The following SYMPK variants were observed in gnomAD, a reference collection of about 807,000 sequenced individuals.
SYMPK encodes symplekin scaffold protein.
A neutral mutation model predicts 136.4 loss-of-function variants in SYMPK; 49 were observed. The observed-to-expected ratio is 0.36, with a 90% CI of 0.29 to 0.46. SYMPK has a LOEUF of 0.46. Among genes scored for constraint, SYMPK ranks in the 20% least tolerant of loss-of-function variants. SYMPK has a pLI of 1.00. For missense variants in SYMPK, 1,365 were observed against 1,690.0 expected (o/e 0.81, Z 3.37); for synonymous variants, 766 against 713.0 (o/e 1.07, Z -1.19).
chr19:45,828,866 C>T (rs757974906), intron 14 of SYMPK, 104 bp downstream of exon 14: 16 of 1,148,574 alleles, frequency 1.4e-5, no homozygotes, highest in Non-Finnish European at 1.9e-5. Flanking sequence ...GGAGGACTGA[C>T]TCGGGGGGTG....
At position 45,821,067 on chromosome 19, in the gene SYMPK, C is replaced by T. The variant is rs1193165183; in HGVS notation, c.2893+317G>A. The stretch of plus-strand genomic sequence containing the variant: ...ACGGTGTGCCCTGCTTCCTTCTGTT[C>T]CTCGGGGCTAGGGGTGGGGCTACCC... On this transcript the variant is annotated intron_variant, in intron 22 of 26. Transcript: ENST00000245934. The surrounding 1 kb of genome is among the most constrained non-coding windows in gnomAD (Gnocchi z 4.4). The T allele has an allele frequency of 1.6e-6, 1 of 629,152 alleles. No individual in the cohort carries two copies. 39.0% of individuals were successfully genotyped at this position (629,152 alleles called of 1,614,324 possible).
At chr19:45,817,415 C>CTTTTTTTTTTTTTTTTTT (rs1568605953) in intron 23 of SYMPK, among the ~76,000 whole-genome samples, 3 of 100,174 alleles carry the variant, frequency 3.0e-5, no homozygotes, top group African/African-American at 1.2e-4. Flanking sequence ...TTTTTTTGTT[C>CTTTTTTTTTTTTTTTTTT]TCTTTTTTTT....
intron 16 of SYMPK, 129 bp downstream of exon 16, chr19:45,827,381 C>T (rs1971066744): frequency 3.0e-6 from 2 of 664,786 alleles, no homozygotes; most frequent in East Asian, 5.5e-5. Context: ...CAAAAAACCA[C>T]TGAAAGAAGG....
chr19:45,823,828 T>A lies in SYMPK; in HGVS notation c.2538A>T (p.Glu846Asp). Reference sequence around the variant, plus strand: ...GTGTCTCTGCTCCCTTGGGACAATTTTCCACCAGCAGGAGCAGCTCCGGGG... The same window carrying A: ...GTGTCTCTGCTCCCTTGGGACAATTATCCACCAGCAGGAGCAGCTCCGGGG... ...MNSPELLLLV[E>D]NCPKGAETLV... Residue 846 changes from glutamate to aspartate, a missense_variant, in exon 19 of 27, where the codon GAA (glutamate) becomes GAT (aspartate). By Grantham distance (45) the Glu-to-Asp change is conservative. Transcript: ENST00000245934. 1.2e-6 allele frequency: 2 copies of A among 1,614,002 alleles called. No individual in the cohort carries two copies. The highest frequency in any genetic ancestry group is 1.7e-6 in the Non-Finnish European group (2 of 1,179,984).
chr19:45,842,637 G>T, intron 8 of SYMPK, 148 bp from the exon 9 acceptor site: 1 of 1,087,826 alleles, frequency 9.2e-7, no homozygotes, highest in Non-Finnish European at 1.3e-6. Context: ...GTGGCTTTCC[G>T]CCTTACAAGC....
rs1418623540 is a variant in SYMPK, at chr19:45,825,163, G to C, written c.2490+8C>G. On this transcript the variant is annotated splice_region_variant and intron_variant, in intron 18 of 26. Transcript: ENST00000245934. The stretch of plus-strand genomic sequence containing the variant: ...GTGGGCAGGGCCTGGTGGGCTCAGG[G>C]GCCTCACCGGCTGCTCAATGACCCT... 1.9e-6 allele frequency: 3 copies of C among 1,610,928 alleles called. No homozygotes were observed. The highest frequency in any genetic ancestry group is 8.5e-7 in the Non-Finnish European group (1 of 1,178,718).
chr19:45,842,317 C>G lies in SYMPK; in HGVS notation c.1020G>C (p.Pro340=). 6.2e-7 allele frequency: 1 copy of G among 1,614,174 alleles called. No homozygotes were observed. Among genetic ancestry groups the G allele is most frequent in the Non-Finnish European group, 8.5e-7 (1 of 1,180,034 alleles). The change falls in exon 9 of 27, where the codon CCG becomes CCC. Residue 340 remains proline, a synonymous_variant. Coordinates refer to ENST00000245934, the MANE Select transcript of SYMPK (RefSeq NM_004819.3). ...GCCGCTTGCGGGTGTCCTTGCTGCTCGGCATGTTGCGGGCGATCTCGGCCT... is the reference window on the plus strand; with the variant it reads ...GCCGCTTGCGGGTGTCCTTGCTGCTGGGCATGTTGCGGGCGATCTCGGCCT... ...TPQAEIARNM[P]SSKDTRKRPR...
Position 45,847,780 on chromosome 19 carries a change from G to C in SYMPK, c.648C>G (p.Ile216Met). ...RQEHDISLDR[I>M]PRDHPYIQYN... ...ACTGGATGTAGGGGTGGTCACGAGGGATGCGGTCCAGGCTGATATCATGCT... is the reference window on the plus strand; with the variant it reads ...ACTGGATGTAGGGGTGGTCACGAGGCATGCGGTCCAGGCTGATATCATGCT... The change falls in exon 7 of 27, where the codon ATC (isoleucine) becomes ATG (methionine). Residue 216 changes from isoleucine (I) to methionine (M), a missense_variant. By Grantham distance (10) the Ile-to-Met change is conservative. This residue lies in a region of SYMPK where 237 missense variants were observed against 292.9 expected (regional missense o/e 0.81). Transcript: ENST00000245934. 2 of 1,614,006 alleles carry C rather than the reference G, an allele frequency of 1.2e-6. No homozygotes were observed. The highest frequency in any genetic ancestry group is 1.7e-6 in the Non-Finnish European group (2 of 1,180,016).
intron 6 of SYMPK, 79 bp downstream of exon 6, chr19:45,848,671 T>C: frequency 1.3e-6 from 2 of 1,591,400 alleles, no homozygotes; most frequent in Non-Finnish European, 1.7e-6. Context: ...GCTCGGATGC[T>C]GGTTTTGAAC....
chr19:45,839,242 G>A (rs77799462), intron 9 of SYMPK, among the ~76,000 whole-genome samples: 12,206 of 152,034 alleles, frequency 0.08, 555 homozygotes, highest in Non-Finnish European at 0.099. Context: ...ATGTACACTC[G>A]GTACCTAAGG....
intron 13 of SYMPK, 33 bp downstream of exon 13, chr19:45,830,021 G>A (rs1443441705): frequency 4.6e-6 from 7 of 1,529,804 alleles, no homozygotes; most frequent in Non-Finnish European, 6.2e-6. Flanking sequence ...TAGAGGGACT[G>A]GAAGGATGGG....
rs771207438 is a variant in SYMPK, at chr19:45,847,897, G to A, written c.531C>T (p.Asp177=). ...ACTTGATGGCGTGGGTGCGGATGCC[G>A]TCATTGTCAGAGTCCAATAGCAGGA... is the stretch of plus-strand genomic sequence containing the variant. The part of the protein sequence containing the change: ...DIILLLDSDN[D]GIRTHAIKFV... The change falls in exon 7 of 27, where the codon GAC becomes GAT. Residue 177 remains aspartate (D), a synonymous_variant. Coordinates refer to ENST00000245934, the MANE Select transcript of SYMPK (RefSeq NM_004819.3). 2.7e-5 allele frequency: 44 copies of A among 1,613,798 alleles called. No individual in the cohort carries two copies. The highest frequency in any genetic ancestry group is 3.3e-5 in the Admixed American group (2 of 59,956).
rs553947734 is a variant in SYMPK at position 45,863,094 on chromosome 19, G to A, written c.-49C>T. ...CCTCCGTTCCCCTCGCGCCCCCTCA[G>A]CAGTGCCTCTTCCTACACTCCGCCG... On this transcript the variant is annotated 5_prime_UTR_variant, in exon 1 of 27. Coordinates refer to ENST00000245934, the MANE Select transcript of SYMPK (RefSeq NM_004819.3). 1.5e-3 allele frequency: 604 copies of A among 403,268 alleles called. No homozygotes were observed. The highest frequency in any genetic ancestry group is 2.3e-3 in the Non-Finnish European group (536 of 228,200). 25.0% of individuals were successfully genotyped at this position (403,268 alleles called of 1,614,324 possible). A position where few individuals can be genotyped will look rare whatever the true frequency, so the allele number is the denominator to read the frequency against.
chr19:45,848,635 T>C (rs1370760842), intron 6 of SYMPK, 115 bp downstream of exon 6: 9 of 1,409,904 alleles, frequency 6.4e-6, no homozygotes, highest in Non-Finnish European at 8.9e-6. Flanking sequence ...CACAGACCAG[T>C]GGCACATCTT....
intron 5 of SYMPK, among the ~76,000 whole-genome samples, chr19:45,851,018 C>T (rs982079522): frequency 6.6e-6 from 1 of 151,972 alleles, no homozygotes; most frequent in African/African-American, 2.4e-5. Flanking sequence ...ACTGTGACTT[C>T]TGAGGAGCAG....
In SYMPK at chr19:45,860,464, A is replaced by T. The variant is rs989329193; in HGVS notation, c.-13+2594T>A. On this transcript the variant is annotated intron_variant, in intron 1 of 26. Coordinates refer to ENST00000245934, the MANE Select transcript of SYMPK (RefSeq NM_004819.3). ...CAAGAGTGAAACTGCGTTTCAAATT[A>T]AAAAAAAAAAGAAAAAAAACCCACA... 1.4e-4 allele frequency among the ~76,000 whole-genome samples: 13 copies of T among 94,386 alleles called. No individual in the cohort carries two copies. In the East Asian group the frequency reaches 2.4e-3, roughly 17 times the overall value. 61.9% of individuals were successfully genotyped at this position (94,386 alleles called of 152,430 possible).
Position 45,816,091 on chromosome 19 carries a change from T to C in SYMPK, c.3447A>G (p.Leu1149=), listed in dbSNP as rs1231538329. The C allele has an allele frequency of 6.4e-7, 1 of 1,557,316 alleles. No individual in the cohort carries two copies. Among genetic ancestry groups the C allele is most frequent in the African/African-American group, 1.4e-5 (1 of 73,590 alleles). The change falls in exon 26 of 27, where the codon TTA becomes TTG. Residue 1149 remains leucine, a synonymous_variant. Transcript: ENST00000245934. ...TCTGTTCCTCCTCCAGCTGCCGCTT[T>C]AAGGCCTTCTCCTGGGCCAGTCGCA... The part of the protein sequence containing the change: ...IGLRLAQEKA[L]KRQLEEEQKL...
At chr19:45,849,812 G>A (rs932924033) in intron 5 of SYMPK, among the ~76,000 whole-genome samples, 8 of 152,088 alleles carry the variant, frequency 5.3e-5, no homozygotes, top group African/African-American at 1.9e-4. Flanking sequence ...TTGGGAGGCT[G>A]AGGCAGGTGG....
intron 8 of SYMPK, chr19:45,842,745 T>C: frequency 2.1e-6 from 1 of 471,166 alleles, no homozygotes; most frequent in Non-Finnish European, 3.8e-6. Context: ...TTCGTCCTCC[T>C]CCATCTCTGG....
Sources: gnomAD v4.1 joint callset for allele counts (sites outside exome capture counted in the v4.1 genomes callset) on GRCh38, gnomAD v4.1.1 for gene constraint, gnomAD v4.1.1 regional missense constraint, Gnocchi (gnomAD v3.1) non-coding constraint, MANE v1.5 for transcripts, NCBI Gene and HGNC (gene_info 2026-07-23, HGNC 2026-07-21) for gene names.